The following INO80D variants were observed in gnomAD, a reference collection of about 807,000 sequenced individuals.
The protein encoded by INO80D is INO80 complex subunit D.
Under a neutral mutation model 87.6 loss-of-function variants are expected in INO80D, and 21 were observed. The ratio of observed to expected loss-of-function variants is 0.24; its 90% CI spans 0.17 to 0.35. INO80D has a LOEUF of 0.35. Ranked by LOEUF, INO80D falls within the 10% of genes least tolerant of loss-of-function variation. The pLI, the probability that INO80D is intolerant of heterozygous loss-of-function variation, is 1.00. For missense variants in INO80D, 982 were observed against 1,280.7 expected, an observed-to-expected ratio of 0.77 and a Z score of 3.56; for synonymous variants, 440 against 491.0, an observed-to-expected ratio of 0.90 and a Z score of 1.37.
chr2:206,078,059 T>TAAAA (rs1559467210), intron 1 of INO80D, among the ~76,000 whole-genome samples: 3 of 8,940 alleles, frequency 3.4e-4, no homozygotes, highest in Admixed American at 1.7e-3. Flanking sequence ...TTGCAATGTT[T>TAAAA]ACAAAAAAAA....
At chr2:206,084,066 G>A (rs1011227527) in intron 1 of INO80D, among the ~76,000 whole-genome samples, 1 of 148,004 alleles carries the variant, frequency 6.8e-6, no homozygotes, top group African/African-American at 2.5e-5. Context: ...GGAAATTTAT[G>A]TTTATCACTT....
chr2:206,080,783 G>A (rs1690257394), intron 1 of INO80D, among the ~76,000 whole-genome samples: 2 of 151,294 alleles, frequency 1.3e-5, no homozygotes, highest in Admixed American at 1.3e-4. Flanking sequence ...GGCGCCTGTA[G>A]TCCCAGCTAC....
chr2:206,065,043 A>G (rs1453024615), intron 1 of INO80D, among the ~76,000 whole-genome samples: 2 of 152,018 alleles, frequency 1.3e-5, no homozygotes, highest in Non-Finnish European at 2.9e-5. Context: ...ATGAAACTAG[A>G]CCCCCACCTT....
rs757398037 is a variant in INO80D, at chr2:206,028,183, G to A, written c.1226C>T (p.Ala409Val). The A allele has an allele frequency of 4.4e-6, 7 of 1,599,714 alleles. No homozygotes were observed. Among genetic ancestry groups the A allele is most frequent in the East Asian group, 2.3e-5 (1 of 44,364 alleles). The change falls in exon 6 of 11, where the codon GCG becomes GTG. Residue 409 changes from alanine (A) to valine (V), a missense_variant. Physicochemically the swap from Ala to Val is moderately conservative, Grantham distance 64. Transcript: ENST00000403263. ...RHTFRKALLQ[A>V]ASKEPECTGQ... is the part of the protein sequence containing the mutation. ...AGTGCATTCTGGTTCTTTACTGGCC[G>A]CCTGCAGCAAAGCTTTCCTAAACGT...
chr2:206,084,875 G>A (rs963552417), intron 1 of INO80D: 3 of 152,328 alleles, frequency 2.0e-5, no homozygotes, highest in Non-Finnish European at 2.9e-5. Context: ...CAAAAACCCA[G>A]TCACTAACTA....
chr2:206,004,726 G>A lies in INO80D; in HGVS notation c.2726C>T (p.Ala909Val). 3.1e-6 allele frequency: 5 copies of A among 1,614,010 alleles called. No individual in the cohort carries two copies. The highest frequency in any genetic ancestry group is 3.4e-6 in the Non-Finnish European group (4 of 1,179,900). ...DPSPFSNLLG[A>V]DGHLLSTSLS... ...GGAAGTGGAAAGAAGATGTCCATCT[G>A]CGCCGAGAAGGTTGCTAAATGGAGA... The change falls in exon 11 of 11, where the codon GCA (alanine) becomes GTA (valine). Residue 909 changes from alanine (A) to valine (V), a missense_variant. Coordinates refer to ENST00000403263, the MANE Select transcript of INO80D (RefSeq NM_017759.5). The surrounding 1 kb of genome is among the most constrained non-coding windows in gnomAD (Gnocchi z 4.9).
intron 5 of INO80D, among the ~76,000 whole-genome samples, chr2:206,037,292 C>T (rs1688918586): frequency 6.6e-6 from 1 of 152,180 alleles, no homozygotes; most frequent in Non-Finnish European, 1.5e-5. Context: ...AGATTCCAGG[C>T]TTGTCCATAA....
intron 1 of INO80D, among the ~76,000 whole-genome samples, chr2:206,067,417 T>C (rs1389460234): frequency 2.0e-5 from 3 of 152,056 alleles, no homozygotes; most frequent in African/African-American, 7.2e-5. Flanking sequence ...ATGGCTATAG[T>C]TAACAATAAT....
intron 1 of INO80D, among the ~76,000 whole-genome samples, chr2:206,066,775 A>C (rs1279944628): frequency 6.6e-6 from 1 of 150,642 alleles, no homozygotes; most frequent in Non-Finnish European, 1.5e-5. Context: ...ACTGCACTCC[A>C]GCCTGGGTGA....
In INO80D at chr2:206,005,623, T is replaced by G. The variant is rs1434995527; in HGVS notation, c.1919-90A>C. 7 of 1,057,710 alleles carry G rather than the reference T, an allele frequency of 6.6e-6. No individual in the cohort carries two copies. In the South Asian group the frequency reaches 9.9e-5, roughly 15 times the overall value. The allele number at this position is 1,057,710 out of a possible 1,614,324, so 65.5% of individuals were successfully genotyped here. ...ACATTTGAATTATTTTAAACAATAT[T>G]CGATTTAAAGAGTCCCTCTTGAAAA... On this transcript the variant is annotated intron_variant, in intron 10 of 10. Transcript: ENST00000403263.
intron 1 of INO80D, among the ~76,000 whole-genome samples, chr2:206,078,880 T>C (rs1690196434): frequency 1.3e-5 from 2 of 151,962 alleles, no homozygotes; most frequent in Non-Finnish European, 2.9e-5. Context: ...GAGGCAGAGA[T>C]TGCAGTGAGC....
intron 1 of INO80D, among the ~76,000 whole-genome samples, chr2:206,082,600 A>G (rs1209272720): frequency 6.6e-6 from 1 of 152,154 alleles, no homozygotes; most frequent in African/African-American, 2.4e-5. Flanking sequence ...ACTGGGGACA[A>G]TTTGCTGCCT....
At chr2:206,071,096 T>C (rs531970246) in intron 1 of INO80D, among the ~76,000 whole-genome samples, 1 of 151,598 alleles carries the variant, frequency 6.6e-6, no homozygotes, top group Admixed American at 6.6e-5. Flanking sequence ...GTAGCGGGGA[T>C]TACAGGTGCA....
At chr2:206,082,424 A>T (rs1356513013) in intron 1 of INO80D, among the ~76,000 whole-genome samples, 2 of 152,216 alleles carry the variant, frequency 1.3e-5, no homozygotes, top group Admixed American at 1.3e-4. Flanking sequence ...TAAGGTTTTA[A>T]ATTGAGTATT....
intron 5 of INO80D, among the ~76,000 whole-genome samples, chr2:206,033,039 C>T (rs1354841900): frequency 6.6e-6 from 1 of 152,142 alleles, no homozygotes; most frequent in African/African-American, 2.4e-5. Context: ...AGATACAGAA[C>T]CACAGAATGG....
chr2:206,057,602 C>T (rs1689559529), intron 3 of INO80D, among the ~76,000 whole-genome samples: 1 of 151,960 alleles, frequency 6.6e-6, no homozygotes, highest in African/African-American at 2.4e-5. Context: ...CTAAGCTTTA[C>T]AGAAATTGAT....
At position 206,060,544 on chromosome 2, in the gene INO80D, AC is replaced by A. The variant is rs1014082756; in HGVS notation, c.218+2254del. 3.4e-4 allele frequency among the ~76,000 whole-genome samples: 50 copies of A among 147,144 alleles called. No homozygotes were observed. In the East Asian group the frequency reaches 7.6e-3, roughly 22 times the overall value. The stretch of plus-strand genomic sequence containing the variant: ...AGCGAGACTCCGTCAAAAAAAAAAA[AC>A]AACAACAACAACTTAGTGCTTTTTT... On this transcript the variant is annotated intron_variant, in intron 3 of 10. Transcript: ENST00000403263.
intron 1 of INO80D, among the ~76,000 whole-genome samples, chr2:206,072,253 A>G (rs1689990602): frequency 6.6e-6 from 1 of 151,446 alleles, no homozygotes; most frequent in Admixed American, 6.6e-5. Flanking sequence ...ACTAATTTAT[A>G]TATTTTGGGT....
At position 205,999,286 on chromosome 2, in the gene INO80D, AT is replaced by A. The variant is rs1429165932; in HGVS notation, c.*5081del. Reference sequence around the variant, plus strand: ...GGGTACAGATCATATGTGCGTGTGCATTCTTCGGGACTGTGGTGGGCAGACG... The same window carrying A: ...GGGTACAGATCATATGTGCGTGTGCATCTTCGGGACTGTGGTGGGCAGACG... On this transcript the variant is annotated 3_prime_UTR_variant, in exon 11 of 11. Coordinates refer to ENST00000403263, the MANE Select transcript of INO80D (RefSeq NM_017759.5). 1 of 152,302 alleles carries A rather than the reference AT, an allele frequency of 6.6e-6. No homozygotes were observed. Among genetic ancestry groups the A allele is most frequent in the Non-Finnish European group, 1.5e-5 (1 of 68,076 alleles). The allele number at this position is 152,302 out of a possible 1,614,324, so 9.4% of individuals were successfully genotyped here.
Sources: gnomAD v4.1 joint callset for allele counts (sites outside exome capture counted in the v4.1 genomes callset) on GRCh38, gnomAD v4.1.1 for gene constraint, Gnocchi (gnomAD v3.1) non-coding constraint, MANE v1.5 for transcripts, NCBI Gene and HGNC (gene_info 2026-07-23, HGNC 2026-07-21) for gene names.